The following STMN4 variants were observed in gnomAD, a reference collection of about 807,000 sequenced individuals.
STMN4 encodes the protein stathmin 4.
In STMN4, 12 loss-of-function variants were observed where a neutral mutation model predicts 29.1. The ratio of observed to expected loss-of-function variants is 0.41; its 90% confidence interval spans 0.26 to 0.67. The LOEUF is 0.67. STMN4 is among the 30% of genes least tolerant of loss of function. The probability of loss-of-function intolerance (pLI) is 0.30; values close to 1 mark genes in which losing one functional copy is unlikely to be tolerated. For synonymous variants in STMN4, 114 were observed against 105.3 expected (o/e 1.08, Z -0.51); for missense variants, 181 against 262.8 (o/e 0.69, Z 2.15).
chr8:27,242,249 G>C, intron 3 of STMN4, 148 bp downstream of exon 3: 1 of 802,016 alleles, frequency 1.2e-6, no homozygotes, highest in Non-Finnish European at 2.0e-6. Flanking sequence ...TCAGACCCTC[G>C]GGCTCACCCG....
intron 1 of STMN4, among the ~76,000 whole-genome samples, chr8:27,251,188 G>A (rs1408046683): frequency 6.6e-6 from 1 of 152,048 alleles, no homozygotes; most frequent in East Asian, 1.9e-4. Context: ...AGGAAGTGGA[G>A]GTTGCAGTGA....
At chr8:27,243,645 G>A (rs2130086216) in intron 2 of STMN4, 66 bp downstream of exon 2, 1 of 1,527,346 alleles carries the variant, frequency 6.5e-7, no homozygotes, top group African/African-American at 1.4e-5. Flanking sequence ...CTGCTTCTGT[G>A]AGTCCATGTT....
At chr8:27,249,484 C>T (rs1390454512) in intron 1 of STMN4, among the ~76,000 whole-genome samples, 1 of 152,150 alleles carries the variant, frequency 6.6e-6, no homozygotes, top group Non-Finnish European at 1.5e-5. Flanking sequence ...TTCCAAAATG[C>T]CAATAGCCTC....
chr8:27,252,635 TA>T (rs1801823501), intron 1 of STMN4, among the ~76,000 whole-genome samples: 1 of 152,240 alleles, frequency 6.6e-6, no homozygotes, highest in Non-Finnish European at 1.5e-5. Context: ...CCAAATCTTA[TA>T]CACACTTAAT....
intron 6 of STMN4, chr8:27,239,634 C>T: frequency 7.7e-7 from 1 of 1,300,342 alleles, no homozygotes. Context: ...AGGGATGAAG[C>T]TAGGAATGCA....
At chr8:27,237,184 C>T (rs1471137376) in intron 6 of STMN4, among the ~76,000 whole-genome samples, 1 of 152,178 alleles carries the variant, frequency 6.6e-6, no homozygotes, top group African/African-American at 2.4e-5. Context: ...CGCAGCCTCC[C>T]CCTCCCTCAC....
At chr8:27,242,127 T>C in intron 3 of STMN4, 1 of 567,958 alleles carries the variant, frequency 1.8e-6, no homozygotes, top group Non-Finnish European at 3.1e-6. Flanking sequence ...TACCCCCCAG[T>C]CTCGATTTGC....
intron 6 of STMN4, 109 bp from the exon 7 acceptor site, chr8:27,237,014 C>G (rs759230612): frequency 1.6e-6 from 2 of 1,213,768 alleles, no homozygotes; most frequent in African/African-American, 3.1e-5. Context: ...CCACAGGCAG[C>G]GAAGAGCTCT....
chr8:27,252,867 C>T (rs1801832241), intron 1 of STMN4, among the ~76,000 whole-genome samples: 1 of 152,230 alleles, frequency 6.6e-6, no homozygotes, highest in Non-Finnish European at 1.5e-5. Flanking sequence ...CCATATCAGC[C>T]TCCCTTCTAT....
Position 27,239,960 on chromosome 8 carries a change from G to T in STMN4, c.591+11C>A. ...TCCCAGGAAACTCCTCTCTAGCCAG[G>T]GACCCCTCACCTTCTCTTGCAGCCG... is the stretch of plus-strand genomic sequence containing the variant. On this transcript the variant is annotated intron_variant, in intron 6 of 6. Coordinates refer to ENST00000350889, the MANE Select transcript of STMN4 (RefSeq NM_030795.4). 6.2e-7 allele frequency: 1 copy of T among 1,614,208 alleles called. No homozygotes were observed. Among genetic ancestry groups the T allele is most frequent in the African/African-American group, 1.3e-5 (1 of 75,048 alleles).
intron 6 of STMN4, 27 bp from the exon 7 acceptor site, chr8:27,236,932 AG>A (rs746228893): frequency 1.9e-6 from 3 of 1,598,504 alleles, no homozygotes; most frequent in East Asian, 2.3e-5. Context: ...GGAAAAGGGC[AG>A]GTCACACAAG....
At chr8:27,242,131 G>T (rs1356949743) in intron 3 of STMN4, 2 of 567,386 alleles carry the variant, frequency 3.5e-6, no homozygotes, top group African/African-American at 1.9e-5. Flanking sequence ...CCCCAGTCTC[G>T]ATTTGCTGGA....
At chr8:27,243,844 A>T in intron 1 of STMN4, 43 bp from the exon 2 acceptor site, 1 of 1,563,554 alleles carries the variant, frequency 6.4e-7, no homozygotes, top group South Asian at 1.1e-5. Context: ...GATGGATTAG[A>T]CAGGTTATTC....
At chr8:27,247,442 G>A (rs575239950) in intron 1 of STMN4, among the ~76,000 whole-genome samples, 10 of 152,304 alleles carry the variant, frequency 6.6e-5, no homozygotes, top group African/African-American at 2.4e-4. Context: ...AGAGATGAAA[G>A]GAGTCTTTGC....
intron 1 of STMN4, among the ~76,000 whole-genome samples, chr8:27,244,260 G>A (rs1367544777): frequency 6.6e-6 from 1 of 152,220 alleles, no homozygotes; most frequent in African/African-American, 2.4e-5. Context: ...TCTGATATGG[G>A]AAGAGAGGGA....
In STMN4 at chr8:27,241,213, G is replaced by A. The variant is rs532765085; in HGVS notation, c.240C>T (p.Ile80=). 5 of 1,614,228 alleles carry A rather than the reference G, an allele frequency of 3.1e-6. No individual in the cohort carries two copies. Among genetic ancestry groups the A allele is most frequent in the Non-Finnish European group, 4.2e-6 (5 of 1,180,040 alleles). ...NWCVISDMEV[I]ELNKCTSGQS... is the part of the protein sequence containing the mutation. The stretch of plus-strand genomic sequence containing the variant: ...GGCCCGAGGTGCATTTGTTCAGCTC[G>A]ATGACTTCCATGTCGGAAATGACGC... The change falls in exon 5 of 7, where the codon ATC becomes ATT. Residue 80 remains isoleucine, a synonymous_variant. Transcript: ENST00000350889.
intron 1 of STMN4, among the ~76,000 whole-genome samples, chr8:27,255,427 G>T (rs1801912609): frequency 6.6e-6 from 1 of 152,200 alleles, no homozygotes; most frequent in Admixed American, 6.5e-5. Context: ...AAAGATATCA[G>T]AGGGGGCAGG....
At chr8:27,249,457 C>T (rs143442440) in intron 1 of STMN4, among the ~76,000 whole-genome samples, 75 of 152,260 alleles carry the variant, frequency 4.9e-4, no homozygotes, top group African/African-American at 1.4e-3. Flanking sequence ...CAGTCCCACA[C>T]GATAAACAAC....
chr8:27,239,409 C>T lies in STMN4; in HGVS notation c.591+562G>A, dbSNP rs954839126. The T allele has an allele frequency of 2.1e-5, 20 of 966,166 alleles. No individual in the cohort carries two copies. In the Middle Eastern group the frequency reaches 1.2e-3, roughly 60 times the overall value. 59.8% of individuals were successfully genotyped at this position (966,166 alleles called of 1,614,324 possible). A position where few individuals can be genotyped will look rare whatever the true frequency, so the allele number is the denominator to read the frequency against. The stretch of plus-strand genomic sequence containing the variant: ...CCGGTATTCTGCTGACACACAGAAC[C>T]AACCCCGGCCTCATGTTTCTCATAT... On this transcript the variant is annotated intron_variant, in intron 6 of 6. Coordinates refer to ENST00000350889, the MANE Select transcript of STMN4 (RefSeq NM_030795.4).
Sources: allele counts gnomAD v4.1 joint callset (sites outside exome capture counted in the v4.1 genomes callset), GRCh38; gene constraint gnomAD v4.1.1; transcripts MANE v1.5; gene names NCBI Gene and HGNC (gene_info 2026-07-23, HGNC 2026-07-21).